Variants in PCDHGB3 observed in about 807,000 individuals in gnomAD.
The protein encoded by PCDHGB3 is protocadherin gamma-B3.
In PCDHGB3, 40 loss-of-function variants were observed where a neutral mutation model predicts 59.2. The observed-to-expected ratio is 0.68, with a 90% confidence interval of 0.52 to 0.88. The LOEUF is 0.88. Ranked by LOEUF, PCDHGB3 falls within the 40% of genes least tolerant of loss-of-function variation. PCDHGB3 has a pLI of 0.00. For synonymous variants in PCDHGB3, 581 were observed against 503.6 expected (o/e 1.15, Z -2.06); for missense variants, 1,309 against 1,187.9 (o/e 1.10, Z -1.50).
rs2093981639 is a variant in PCDHGB3 at position 141,400,215 on chromosome 5, A to G, written c.2415+27406A>G. On this transcript the variant is annotated intron_variant, in intron 1 of 3. Transcript: ENST00000576222. ...TAGTGGTGGCCTTGGCCTTGATCTC[A>G]GTGCTCTTCCTCCTGGCCGTGATTC... 3 of 1,613,736 alleles carry G rather than the reference A, an allele frequency of 1.9e-6. No individual in the cohort carries two copies. The East Asian group carries it at 6.7e-5, about 36-fold the overall frequency.
intron 1 of PCDHGB3, among the ~76,000 whole-genome samples, chr5:141,449,594 A>T (rs2098647409): frequency 6.6e-6 from 1 of 150,814 alleles, no homozygotes; most frequent in Non-Finnish European, 1.5e-5. Context: ...GTCTCAAAAA[A>T]AAAAAAAAAA....
chr5:141,450,663 T>C (rs957466690), intron 1 of PCDHGB3, among the ~76,000 whole-genome samples: 1 of 151,652 alleles, frequency 6.6e-6, no homozygotes, highest in Non-Finnish European at 1.5e-5. Flanking sequence ...ATTTTTGTAC[T>C]TTTAGTAGAA....
chr5:141,437,262 G>A (rs1490690532), intron 1 of PCDHGB3, among the ~76,000 whole-genome samples: 1 of 152,152 alleles, frequency 6.6e-6, no homozygotes, highest in Non-Finnish European at 1.5e-5. Flanking sequence ...CTTTTTATGT[G>A]TATGACAGAT....
At chr5:141,403,704 T>C (rs1207597755) in intron 1 of PCDHGB3, 2 of 1,613,846 alleles carry the variant, frequency 1.2e-6, no homozygotes, top group East Asian at 4.5e-5. Context: ...CGAGTTAAAG[T>C]CCTTGAGAAC....
chr5:141,490,417 C>A lies in PCDHGB3; in HGVS notation c.2416-4390C>A, dbSNP rs767996336. ...AGTGAGCCTTGATATCTCTCCGGAC[C>A]TGCCATTTCAGATTAAGCCTTCTGA... On this transcript the variant is annotated intron_variant, in intron 1 of 3. Transcript: ENST00000576222. The surrounding 1 kb of genome is among the most constrained non-coding windows in gnomAD (Gnocchi z 5.4). 4.3e-6 allele frequency: 7 copies of A among 1,614,196 alleles called. No homozygotes were observed. In the South Asian group the frequency reaches 7.7e-5, roughly 18 times the overall value.
At chr5:141,375,593 T>A (rs922478028) in intron 1 of PCDHGB3, 5 of 1,614,142 alleles carry the variant, frequency 3.1e-6, no homozygotes, top group Non-Finnish European at 4.2e-6. Context: ...CCTGTCCTCC[T>A]ACGTGTCCAT....
chr5:141,432,126 C>T lies in PCDHGB3; in HGVS notation c.2415+59317C>T. ...AACCCGCCGGTCTTCCCTCAGGCCTCCTATTCCGCTTATATCCCAGAGAAC... is the reference window on the plus strand; with the variant it reads ...AACCCGCCGGTCTTCCCTCAGGCCTTCTATTCCGCTTATATCCCAGAGAAC... On this transcript the variant is annotated intron_variant, in intron 1 of 3. Coordinates refer to ENST00000576222, the MANE Select transcript of PCDHGB3 (RefSeq NM_018924.5). This position sits in a 1 kb window ranked among gnomAD's most constrained non-coding sequence, Gnocchi z 6.0. The T allele has an allele frequency of 1.2e-6, 2 of 1,614,144 alleles. No homozygotes were observed. Among genetic ancestry groups the T allele is most frequent in the Non-Finnish European group, 1.7e-6 (2 of 1,180,028 alleles).
chr5:141,412,050 A>G (rs1465943762), intron 1 of PCDHGB3: 1 of 152,222 alleles, frequency 6.6e-6, no homozygotes, highest in African/African-American at 2.4e-5. Flanking sequence ...GTGAACTTCT[A>G]TACCCTTTGC....
In PCDHGB3 at chr5:141,476,886, C is replaced by T; in HGVS notation, c.2416-17921C>T. ...TACCGGGCGCGCGTCCTGGAGGATG[C>T]ACCCTCCGGCACGCGCGTGGTACAA... On this transcript the variant is annotated intron_variant, in intron 1 of 3. Transcript: ENST00000576222. This position sits in a 1 kb window ranked among gnomAD's most constrained non-coding sequence, Gnocchi z 7.6. The T allele has an allele frequency of 9.9e-6, 16 of 1,613,924 alleles. No individual in the cohort carries two copies. Among genetic ancestry groups the T allele is most frequent in the Non-Finnish European group, 1.4e-5 (16 of 1,180,032 alleles).
chr5:141,447,541 A>G (rs2098542324), intron 1 of PCDHGB3, among the ~76,000 whole-genome samples: 1 of 152,218 alleles, frequency 6.6e-6, no homozygotes, highest in Non-Finnish European at 1.5e-5. Flanking sequence ...TTGGGTTTTA[A>G]TGTTATGAGT....
intron 1 of PCDHGB3, chr5:141,398,682 A>G (rs767093587): frequency 1.4e-5 from 23 of 1,613,842 alleles, no homozygotes; most frequent in Non-Finnish European, 1.9e-5. Flanking sequence ...TTAAGGAGAA[A>G]CAGGATGGTA....
At position 141,477,530 on chromosome 5, in the gene PCDHGB3, C is replaced by A; in HGVS notation, c.2416-17277C>A. The A allele has an allele frequency of 6.2e-7, 1 of 1,614,186 alleles. No homozygotes were observed. The highest frequency in any genetic ancestry group is 1.1e-5 in the South Asian group (1 of 91,082). ...CGTTTACATTGAAGAAAACAACCTCCCCGGGGCTCCAATACTAAACCTAAG... is the reference window on the plus strand; with the variant it reads ...CGTTTACATTGAAGAAAACAACCTCACCGGGGCTCCAATACTAAACCTAAG... On this transcript the variant is annotated intron_variant, in intron 1 of 3. Coordinates refer to ENST00000576222, the MANE Select transcript of PCDHGB3 (RefSeq NM_018924.5). The surrounding 1 kb of genome is among the most constrained non-coding windows in gnomAD (Gnocchi z 4.9).
At chr5:141,423,694 T>A in intron 1 of PCDHGB3, 1 of 1,501,554 alleles carries the variant, frequency 6.7e-7, no homozygotes, top group Non-Finnish European at 8.9e-7. Context: ...TAATTGTTGG[T>A]GTCTTGGCAC....
At chr5:141,394,459 G>T (rs761612403) in intron 1 of PCDHGB3, 1 of 1,614,238 alleles carries the variant, frequency 6.2e-7, no homozygotes, top group Non-Finnish European at 8.5e-7. Context: ...ATGTCACTGA[G>T]CCTGTTCGTG....
intron 1 of PCDHGB3, chr5:141,414,994 T>C (rs1390374290): frequency 3.7e-6 from 6 of 1,613,626 alleles, no homozygotes; most frequent in Non-Finnish European, 4.2e-6. Flanking sequence ...CCAGAACGCC[T>C]GGCTGTCCTA....
chr5:141,478,038 G>A lies in PCDHGB3; in HGVS notation c.2416-16769G>A, dbSNP rs1401384720. ...CCAGTCCAAGACACAGATTCACCCA[G>A]GCAGACTCTCACGGTCTTGATCAAA... On this transcript the variant is annotated intron_variant, in intron 1 of 3. Transcript: ENST00000576222. 8 of 1,614,006 alleles carry A rather than the reference G, an allele frequency of 5.0e-6. No homozygotes were observed. In the African/African-American group the frequency reaches 1.1e-4, roughly 22 times the overall value.
rs1444244130 is a variant in PCDHGB3 at position 141,433,401 on chromosome 5, A to ATCTATCTC, written c.2415+60597_2415+60598insCTCTCTAT. The stretch of plus-strand genomic sequence containing the variant: ...TATCTATCTATCTATCTATCTATCT[A>ATCTATCTC]TCTATTACTTTCTTGTACAGACAGG... On this transcript the variant is annotated intron_variant, in intron 1 of 3. Transcript: ENST00000576222. Among the ~76,000 whole-genome samples, 100 of 150,598 alleles carry ATCTATCTC rather than the reference A, an allele frequency of 6.6e-4. 1 individual carries two copies. Among genetic ancestry groups the ATCTATCTC allele is most frequent in the African/African-American group, 2.4e-3 (100 of 40,958 alleles).
intron 1 of PCDHGB3, chr5:141,399,856 G>T: frequency 6.2e-7 from 1 of 1,612,894 alleles, no homozygotes; most frequent in South Asian, 1.1e-5. Context: ...GGTGCCGCGC[G>T]CTGCAGAGCC....
intron 1 of PCDHGB3, chr5:141,394,379 T>G: frequency 6.2e-7 from 1 of 1,614,160 alleles, no homozygotes; most frequent in Non-Finnish European, 8.5e-7. Context: ...CTTTCGACTA[T>G]GAGCAGATCC....
Sources: gnomAD v4.1 joint callset for allele counts (sites outside exome capture counted in the v4.1 genomes callset) on GRCh38, gnomAD v4.1.1 for gene constraint, Gnocchi (gnomAD v3.1) non-coding constraint, MANE v1.5 for transcripts, NCBI Gene and HGNC (gene_info 2026-07-23, HGNC 2026-07-21) for gene names.